The following FRMD4A variants were observed in gnomAD, a reference collection of about 807,000 sequenced individuals.
FRMD4A encodes FERM domain containing 4A, also known as FERM domain-containing protein 4A.
Under a neutral mutation model 129.1 loss-of-function variants are expected in FRMD4A, and 29 were observed. The observed-to-expected ratio is 0.22, with a 90% CI of 0.17 to 0.31. The LOEUF is 0.31. FRMD4A is among the 10% of genes least tolerant of loss of function. The probability of loss-of-function intolerance (pLI) is 1.00; values close to 1 mark genes in which losing one functional copy is unlikely to be tolerated. For missense variants in FRMD4A, 1,272 were observed against 1,375.8 expected, an observed-to-expected ratio of 0.92 and a Z score of 1.19; for synonymous variants, 634 against 571.6, an observed-to-expected ratio of 1.11 and a Z score of -1.56.
intron 17 of FRMD4A, chr10:13,667,497 G>A (rs1379794378): frequency 1.3e-5 from 2 of 152,274 alleles, no homozygotes; most frequent in Non-Finnish European, 2.9e-5. Context: ...TGTCAAAAAT[G>A]CCTGGTGGAC....
intron 12 of FRMD4A, among the ~76,000 whole-genome samples, chr10:13,711,229 C>T (rs73583638): frequency 6.6e-6 from 1 of 152,206 alleles, no homozygotes; most frequent in Admixed American, 6.5e-5. Flanking sequence ...TTCATGGGGT[C>T]TGGGGCATTT....
chr10:14,327,362 C>G (rs1843319235), intron 2 of FRMD4A, among the ~76,000 whole-genome samples: 1 of 152,164 alleles, frequency 6.6e-6, no homozygotes, highest in Non-Finnish European at 1.5e-5. Context: ...TAAATAAAGC[C>G]CTCGAATTGG....
intron 2 of FRMD4A, among the ~76,000 whole-genome samples, chr10:14,313,273 G>T (rs1373223369): frequency 6.6e-6 from 1 of 152,072 alleles, no homozygotes; most frequent in African/African-American, 2.4e-5. Context: ...TGAGGTGGGA[G>T]GATCACTTGA....
chr10:14,330,461 G>A, intron 1 of FRMD4A, 136 bp downstream of exon 1: 1 of 402,042 alleles, frequency 2.5e-6, no homozygotes, highest in Non-Finnish European at 4.4e-6. Context: ...CTTCGCCCTG[G>A]CAGCAATTCT....
chr10:14,055,393 C>G (rs1444388134), intron 2 of FRMD4A, among the ~76,000 whole-genome samples: 1 of 151,396 alleles, frequency 6.6e-6, no homozygotes, highest in South Asian at 2.1e-4. Flanking sequence ...GCTTGTGTTT[C>G]CTCTCTTCTG....
intron 2 of FRMD4A, among the ~76,000 whole-genome samples, chr10:14,088,414 C>T (rs552028998): frequency 4.1e-4 from 62 of 151,086 alleles, no homozygotes; most frequent in African/African-American, 1.5e-3. Flanking sequence ...GCCTCTGCTC[C>T]AGCCTGGGTG....
At chr10:13,762,180 C>T (rs1588601128) in intron 7 of FRMD4A, among the ~76,000 whole-genome samples, 1 of 152,106 alleles carries the variant, frequency 6.6e-6, no homozygotes, top group Admixed American at 6.6e-5. Flanking sequence ...CTCATCTTGC[C>T]ACTATTAAGC....
chr10:14,323,287 A>G (rs1482313942), intron 2 of FRMD4A, among the ~76,000 whole-genome samples: 1 of 152,228 alleles, frequency 6.6e-6, no homozygotes, highest in African/African-American at 2.4e-5. Flanking sequence ...GACTACTAGT[A>G]TATACTGTGC....
chr10:14,163,960 C>T (rs1035775854), intron 2 of FRMD4A, among the ~76,000 whole-genome samples: 1 of 152,158 alleles, frequency 6.6e-6, no homozygotes, highest in African/African-American at 2.4e-5. Context: ...CCACCAGCCC[C>T]GAGGCGTGGC....
At chr10:14,094,020 C>T (rs1226183110) in intron 2 of FRMD4A, among the ~76,000 whole-genome samples, 2 of 152,228 alleles carry the variant, frequency 1.3e-5, no homozygotes, top group African/African-American at 2.4e-5. Context: ...AGGATGGAGG[C>T]TTTTGCCGAA....
intron 2 of FRMD4A, among the ~76,000 whole-genome samples, chr10:13,980,150 C>T (rs917514708): frequency 6.6e-6 from 1 of 152,182 alleles, no homozygotes; most frequent in African/African-American, 2.4e-5. Context: ...GCATTTTTCT[C>T]TTCTTTCTTA....
chr10:14,174,369 ATC>A (rs1841621830), intron 2 of FRMD4A, among the ~76,000 whole-genome samples: 1 of 151,976 alleles, frequency 6.6e-6, no homozygotes, highest in Admixed American at 6.5e-5. Context: ...TTGACAAATG[ATC>A]TCTGTCTTAG....
intron 3 of FRMD4A, among the ~76,000 whole-genome samples, chr10:13,844,108 T>G (rs1333242064): frequency 6.6e-6 from 1 of 152,310 alleles, no homozygotes; most frequent in East Asian, 1.9e-4. Flanking sequence ...TGAATGCGTA[T>G]GTGAGTGTGT....
chr10:13,686,144 G>A (rs555179532), intron 15 of FRMD4A, among the ~76,000 whole-genome samples: 9 of 152,232 alleles, frequency 5.9e-5, no homozygotes, highest in Non-Finnish European at 1.3e-4. Context: ...CAGAGGCTAT[G>A]ACCAAAATTA....
At chr10:14,238,614 C>T (rs118010342) in intron 2 of FRMD4A, among the ~76,000 whole-genome samples, 9,214 of 152,132 alleles carry the variant, frequency 0.061, 345 homozygotes, top group Non-Finnish European at 0.083. Flanking sequence ...TTGCTGCACC[C>T]ATCAACCTGT....
intron 2 of FRMD4A, among the ~76,000 whole-genome samples, chr10:13,889,405 C>T (rs113140704): frequency 2.6e-5 from 4 of 152,310 alleles, no homozygotes; most frequent in African/African-American, 9.6e-5. Context: ...GCTATAACTT[C>T]GCTGTGACAA....
chr10:14,188,741 C>A (rs571619109), intron 2 of FRMD4A, among the ~76,000 whole-genome samples: 3 of 152,150 alleles, frequency 2.0e-5, no homozygotes, highest in Non-Finnish European at 4.4e-5. Flanking sequence ...CCCGTCCCTA[C>A]GAAAAATCAA....
At chr10:14,032,581 T>C (rs1833297937) in intron 2 of FRMD4A, among the ~76,000 whole-genome samples, 1 of 152,220 alleles carries the variant, frequency 6.6e-6, no homozygotes. Flanking sequence ...TGTTGCTGCC[T>C]GGGAACTACG....
At chr10:13,670,602 C>T (rs150896371) in intron 16 of FRMD4A, 74 bp from the exon 17 acceptor site, 3 of 1,431,724 alleles carry the variant, frequency 2.1e-6, no homozygotes, top group Admixed American at 3.6e-5. Flanking sequence ...AACACACACA[C>T]ACGCACATAC....
Sources: gnomAD v4.1 joint callset for allele counts (sites outside exome capture counted in the v4.1 genomes callset) on GRCh38, gnomAD v4.1.1 for gene constraint, MANE v1.5 for transcripts, NCBI Gene and HGNC (gene_info 2026-07-23, HGNC 2026-07-21) for gene names.